The following SEMA5A variants were observed in gnomAD, a reference collection of about 807,000 sequenced individuals.
SEMA5A encodes semaphorin 5A, also known as semaphorin-5A.
In SEMA5A, 55 loss-of-function variants were observed where a neutral mutation model predicts 135.5. The ratio of observed to expected loss-of-function variants is 0.41; its 90% CI spans 0.33 to 0.51. The LOEUF (loss-of-function observed/expected upper bound fraction) is 0.51, where lower values mean the gene tolerates loss of function less well. Among genes scored for constraint, SEMA5A ranks in the 20% least tolerant of loss-of-function variants. SEMA5A has a pLI of 0.37. For missense variants in SEMA5A, 1,290 were observed against 1,419.9 expected (o/e 0.91, Z 1.47); for synonymous variants, 580 against 546.5 (o/e 1.06, Z -0.85).
intron 6 of SEMA5A, among the ~76,000 whole-genome samples, chr5:9,231,838 A>T (rs1257633369): frequency 6.6e-6 from 1 of 152,158 alleles, no homozygotes; most frequent in African/African-American, 2.4e-5. Flanking sequence ...ATGAATTCTG[A>T]TTTTCCAAGA....
intron 5 of SEMA5A, among the ~76,000 whole-genome samples, chr5:9,272,022 A>G (rs953982752): frequency 2.0e-5 from 3 of 151,528 alleles, no homozygotes; most frequent in African/African-American, 7.3e-5. Context: ...AGAATCATTC[A>G]CTCCCCTGGA....
intron 2 of SEMA5A, among the ~76,000 whole-genome samples, chr5:9,386,251 A>G (rs550402620): frequency 1.8e-4 from 28 of 152,206 alleles, no homozygotes; most frequent in Non-Finnish European, 3.5e-4. Context: ...CAAACAAACC[A>G]ACCCCGAAGC....
chr5:9,315,371 T>G (rs1752345042), intron 5 of SEMA5A, among the ~76,000 whole-genome samples: 1 of 152,166 alleles, frequency 6.6e-6, no homozygotes. Context: ...AATGACATTC[T>G]CCTATATTAC....
intron 1 of SEMA5A, among the ~76,000 whole-genome samples, chr5:9,452,770 T>C (rs1377950562): frequency 6.6e-6 from 1 of 152,178 alleles, no homozygotes; most frequent in African/African-American, 2.4e-5. Flanking sequence ...AGCTATTTAT[T>C]ACAAAAGCTC....
intron 5 of SEMA5A, among the ~76,000 whole-genome samples, chr5:9,244,401 T>C (rs1349240068): frequency 2.0e-5 from 3 of 152,166 alleles, no homozygotes; most frequent in Non-Finnish European, 2.9e-5. Context: ...AGCAGACACA[T>C]TCCCTATGGC....
intron 5 of SEMA5A, among the ~76,000 whole-genome samples, chr5:9,315,302 TAA>T (rs1204549079): frequency 6.6e-6 from 1 of 152,206 alleles, no homozygotes; most frequent in East Asian, 1.9e-4. Flanking sequence ...TATTTTGATA[TAA>T]GTTACAGAAA....
At chr5:9,183,085 T>C (rs3822774) in intron 11 of SEMA5A, among the ~76,000 whole-genome samples, 17,029 of 151,968 alleles carry the variant, frequency 0.11, 1,640 homozygotes, top group African/African-American at 0.24. Context: ...AGGATTCAAG[T>C]ATTTGGTGCT....
Position 9,042,494 on chromosome 5 carries a change from G to A in SEMA5A, c.*403C>T, listed in dbSNP as rs1451235670. ...TGGACCTATGCACTTCTTGTGGAAG[G>A]AGCAGGTCTTTCAGAGAAAGTGCCT... is the stretch of plus-strand genomic sequence containing the variant. On this transcript the variant is annotated 3_prime_UTR_variant, in exon 23 of 23. Transcript: ENST00000382496. 8.8e-6 allele frequency: 2 copies of A among 227,154 alleles called. No homozygotes were observed. Among genetic ancestry groups the A allele is most frequent in the African/African-American group, 4.8e-5 (2 of 42,098 alleles). The allele number at this position is 227,154 out of a possible 1,614,324, so 14.1% of individuals were successfully genotyped here.
At chr5:9,065,889 C>T (rs1737437593) in intron 17 of SEMA5A, among the ~76,000 whole-genome samples, 1 of 152,120 alleles carries the variant, frequency 6.6e-6, no homozygotes, top group Non-Finnish European at 1.5e-5. Context: ...TTTCTCCATG[C>T]TATTACTATG....
At chr5:9,244,083 A>C (rs1218755508) in intron 5 of SEMA5A, among the ~76,000 whole-genome samples, 1 of 152,172 alleles carries the variant, frequency 6.6e-6, no homozygotes, top group African/African-American at 2.4e-5. Context: ...TGATTTGCCT[A>C]ATGAAACTCT....
intron 3 of SEMA5A, among the ~76,000 whole-genome samples, chr5:9,362,902 T>G (rs1754759710): frequency 6.6e-6 from 1 of 152,240 alleles, no homozygotes; most frequent in Non-Finnish European, 1.5e-5. Flanking sequence ...AACAACAGAC[T>G]GGCTGAAACC....
chr5:9,542,827 T>C (rs1738165183), intron 1 of SEMA5A, among the ~76,000 whole-genome samples: 1 of 152,226 alleles, frequency 6.6e-6, no homozygotes, highest in Non-Finnish European at 1.5e-5. Context: ...ATCTGCTTTG[T>C]AGCTCAAACC....
intron 5 of SEMA5A, among the ~76,000 whole-genome samples, chr5:9,268,410 T>A (rs1749791542): frequency 6.6e-6 from 1 of 152,076 alleles, no homozygotes; most frequent in African/African-American, 2.4e-5. Context: ...AGACCACCCA[T>A]TCACTGAGGA....
intron 1 of SEMA5A, among the ~76,000 whole-genome samples, chr5:9,485,207 G>GCCA (rs977764623): frequency 3.6e-4 from 54 of 151,762 alleles, no homozygotes; most frequent in African/African-American, 1.3e-3. Context: ...GACCATGATG[G>GCCA]CCATCTGAGC....
chr5:9,048,562 T>C (rs974161077), intron 21 of SEMA5A, among the ~76,000 whole-genome samples: 4 of 152,134 alleles, frequency 2.6e-5, no homozygotes, highest in African/African-American at 9.7e-5. Flanking sequence ...AGATTGGTTG[T>C]AGAACAACCC....
chr5:9,343,916 C>CT (rs1195399220), intron 3 of SEMA5A, among the ~76,000 whole-genome samples: 2 of 152,200 alleles, frequency 1.3e-5, no homozygotes, highest in African/African-American at 4.8e-5. Context: ...ATACATCAGG[C>CT]TTTCAACCAA....
At chr5:9,155,480 A>G (rs1380552438) in intron 11 of SEMA5A, among the ~76,000 whole-genome samples, 4 of 151,028 alleles carry the variant, frequency 2.6e-5, no homozygotes, top group Middle Eastern at 3.2e-3. Context: ...TTGCTCTCCC[A>G]GGTACCCTGT....
chr5:9,404,895 C>T (rs1344040562), intron 2 of SEMA5A, among the ~76,000 whole-genome samples: 9 of 152,150 alleles, frequency 5.9e-5, no homozygotes, highest in Admixed American at 5.9e-4. Context: ...GTTATGCCCT[C>T]CTTTTGAAAA....
chr5:9,151,485 T>C (rs771149333), intron 12 of SEMA5A, among the ~76,000 whole-genome samples: 5 of 152,232 alleles, frequency 3.3e-5, no homozygotes, highest in African/African-American at 7.2e-5. Context: ...AGCATCTTTC[T>C]GAAAGATTAA....
Sources: gnomAD v4.1 joint callset for allele counts (sites outside exome capture counted in the v4.1 genomes callset) on GRCh38, gnomAD v4.1.1 for gene constraint, MANE v1.5 for transcripts, NCBI Gene and HGNC (gene_info 2026-07-23, HGNC 2026-07-21) for gene names.